ZBTB46: variants seen among roughly 807,000 people sequenced by gnomAD.
ZBTB46 encodes zinc finger and BTB domain containing 46.
In ZBTB46, 8 loss-of-function variants were observed where a neutral mutation model predicts 44.1. That is an observed-to-expected ratio of 0.18 (90% CI 0.11 to 0.33). The LOEUF is 0.33. Ranked by LOEUF, ZBTB46 falls within the 10% of genes least tolerant of loss-of-function variation. ZBTB46 has a pLI of 1.00. For synonymous variants in ZBTB46, 409 were observed against 382.3 expected (o/e 1.07, Z -0.81); for missense variants, 651 against 847.7 (o/e 0.77, Z 2.88).
rs994621187 is a variant in ZBTB46, at chr20:63,803,093, C to G, written c.-33-12303G>C. On this transcript the variant is annotated intron_variant, in intron 1 of 4. Coordinates refer to ENST00000245663, the MANE Select transcript of ZBTB46 (RefSeq NM_001369741.1). The surrounding 1 kb of genome is among the most constrained non-coding windows in gnomAD (Gnocchi z 4.0). ...GCTCTGCCCACTCTTGCGAAGAAAC[C>G]CACCAACCCGGCTCCCCCAGGGCAC... Among the ~76,000 whole-genome samples, 2 of 152,150 alleles carry G rather than the reference C, an allele frequency of 1.3e-5. No individual in the cohort carries two copies. The highest frequency in any genetic ancestry group is 6.5e-5 in the Admixed American group (1 of 15,284).
At chr20:63,791,286 G>A (rs753885815) in intron 1 of ZBTB46, among the ~76,000 whole-genome samples, 5 of 152,102 alleles carry the variant, frequency 3.3e-5, no homozygotes, top group Non-Finnish European at 5.9e-5. Flanking sequence ...ACAAGGTCAG[G>A]AGATCGAGAC....
At chr20:63,808,188 C>G (rs6011132) in intron 1 of ZBTB46, 35,397 of 152,416 alleles carry the variant, frequency 0.23, 4,449 homozygotes, top group East Asian at 0.45. Context: ...TGGATTTCAC[C>G]ACCGGCCGCC....
rs1302759381 is a variant in ZBTB46, at chr20:63,767,877, C to T, written c.1222+7801G>A. The T allele has an allele frequency of 4.1e-6, 4 of 985,326 alleles. No homozygotes were observed. In the African/African-American group the frequency reaches 7.0e-5, roughly 17 times the overall value. 61.0% of individuals were successfully genotyped at this position (985,326 alleles called of 1,614,324 possible). On this transcript the variant is annotated intron_variant, in intron 3 of 4. Transcript: ENST00000245663. This position sits in a 1 kb window ranked among gnomAD's most constrained non-coding sequence, Gnocchi z 5.0. ...GGCTGGAAGAAGACTCCTCAGGCAT[C>T]CTGGACAGGCCACAGGCCCTGCAGA... is the stretch of plus-strand genomic sequence containing the variant.
At chr20:63,796,421 C>G (rs2092604795) in intron 1 of ZBTB46, among the ~76,000 whole-genome samples, 1 of 152,246 alleles carries the variant, frequency 6.6e-6, no homozygotes, top group Admixed American at 6.5e-5. Flanking sequence ...AAGAACGACC[C>G]TCTCAAACAT....
At chr20:63,748,859 A>G (rs1171891009) in intron 4 of ZBTB46, among the ~76,000 whole-genome samples, 3 of 152,218 alleles carry the variant, frequency 2.0e-5, no homozygotes, top group South Asian at 2.1e-4. Context: ...GAGCAAGTAC[A>G]TACATAATCA....
intron 2 of ZBTB46, among the ~76,000 whole-genome samples, chr20:63,781,140 C>CAAAAAAAAAAA (rs58102231): frequency 1.5e-3 from 125 of 83,870 alleles, no homozygotes; most frequent in Middle Eastern, 8.6e-3. Flanking sequence ...GACTCTGCCT[C>CAAAAAAAAAAA]AAAAAAAAAA....
At position 63,746,968 on chromosome 20, in the gene ZBTB46, G is replaced by C. The variant is rs1266828449; in HGVS notation, c.1732C>G (p.Pro578Ala). The change falls in exon 5 of 5, where the codon CCA becomes GCA. Residue 578 changes from proline to alanine, a missense_variant. Coordinates refer to ENST00000245663, the MANE Select transcript of ZBTB46 (RefSeq NM_001369741.1). ...EEDSPRPRSP[P>A]GGPDKDFAWL... is the part of the protein sequence containing the mutation. The stretch of plus-strand genomic sequence containing the variant: ...GCGAAGTCCTTGTCAGGGCCTCCTG[G>C]GGGGCTGCGCGGCCGCGGCGAGTCT... The C allele has an allele frequency of 2.5e-6, 4 of 1,597,564 alleles. No individual in the cohort carries two copies. The highest frequency in any genetic ancestry group is 3.4e-6 in the Non-Finnish European group (4 of 1,175,440).
chr20:63,814,340 C>T (rs2092735789), intron 1 of ZBTB46, among the ~76,000 whole-genome samples: 1 of 152,084 alleles, frequency 6.6e-6, no homozygotes, highest in Admixed American at 6.5e-5. Flanking sequence ...GTTCCCGCAG[C>T]CAGGCGACGT....
chr20:63,778,436 C>T lies in ZBTB46; in HGVS notation c.938-2474G>A, dbSNP rs926826758. Among the ~76,000 whole-genome samples the T allele has an allele frequency of 9.8e-5, 15 of 152,302 alleles. No individual in the cohort carries two copies. In the South Asian group the frequency reaches 1.0e-3, roughly 11 times the overall value. ...TTCCACCGTGGTCGTTGACAGGAATCGGGATCAGAACCACAGAAACACAGG... is the reference window on the plus strand; with the variant it reads ...TTCCACCGTGGTCGTTGACAGGAATTGGGATCAGAACCACAGAAACACAGG... On this transcript the variant is annotated intron_variant, in intron 2 of 4. Transcript: ENST00000245663.
At chr20:63,766,332 C>G (rs1353010905) in intron 3 of ZBTB46, among the ~76,000 whole-genome samples, 1 of 151,346 alleles carries the variant, frequency 6.6e-6, no homozygotes, top group South Asian at 2.1e-4. Context: ...TCTCCTGCCT[C>G]AGCCTCTCAA....
rs759625611 is a variant in ZBTB46 at position 63,752,660 on chromosome 20, G to A, written c.1398+26C>T. 6.6e-6 allele frequency: 10 copies of A among 1,506,844 alleles called. No individual in the cohort carries two copies. Among genetic ancestry groups the A allele is most frequent in the Non-Finnish European group, 8.0e-6 (9 of 1,127,174 alleles). 93.3% of individuals were successfully genotyped at this position (1,506,844 alleles called of 1,614,324 possible). A position where few individuals can be genotyped will look rare whatever the true frequency, so the allele number is the denominator to read the frequency against. On this transcript the variant is annotated intron_variant, in intron 4 of 4. Transcript: ENST00000245663. This position sits in a 1 kb window ranked among gnomAD's most constrained non-coding sequence, Gnocchi z 5.6. ...GACATCGTGGCCACGCGCAGCGCGCGGCACGCGGACCCTCCCCGCACTCAC... is the reference window on the plus strand; with the variant it reads ...GACATCGTGGCCACGCGCAGCGCGCAGCACGCGGACCCTCCCCGCACTCAC...
chr20:63,775,864 C>T lies in ZBTB46; in HGVS notation c.1036G>A (p.Ala346Thr), dbSNP rs563024650. 43 of 1,613,214 alleles carry T rather than the reference C, an allele frequency of 2.7e-5. No homozygotes were observed. In the South Asian group the frequency reaches 3.0e-4, roughly 11 times the overall value. Residue 346 changes from alanine (A) to threonine (T), a missense_variant, in exon 3 of 5, where the codon GCC (alanine) becomes ACC (threonine). By Grantham distance (58) the Ala-to-Thr change is moderately conservative. Transcript: ENST00000245663. ...GTGAGGGGAGGGCCCAGATAGCTGG[C>T]TTCTCCTCCCAGGAGACCCTCCTCC... ...QVEEGLLGGE[A>T]SYLGPPLTPE...
In ZBTB46 at chr20:63,790,650, G is replaced by T; in HGVS notation, c.108C>A (p.Val36=). 2 of 1,611,628 alleles carry T rather than the reference G, an allele frequency of 1.2e-6. No individual in the cohort carries two copies. Among genetic ancestry groups the T allele is most frequent in the Non-Finnish European group, 1.7e-6 (2 of 1,180,034 alleles). The change falls in exon 2 of 5, where the codon GTC becomes GTA. Residue 36 remains valine, a synonymous_variant. Coordinates refer to ENST00000245663, the MANE Select transcript of ZBTB46 (RefSeq NM_001369741.1). The stretch of plus-strand genomic sequence containing the variant: ...GCGCCTTGAAGACCTTGCCCTCCAC[G>T]ACCACGCAGACGTCGCACAGGACGC... ...QHGVLCDVCV[V]VEGKVFKAHK...
intron 1 of ZBTB46, among the ~76,000 whole-genome samples, chr20:63,819,087 C>T (rs1188120733): frequency 1.3e-5 from 2 of 149,684 alleles, no homozygotes; most frequent in Non-Finnish European, 3.0e-5. Context: ...GCAGGAGAAT[C>T]GCTTGAACCC....
At chr20:63,766,205 CTTTTTTTTT>C (rs10525501) in intron 3 of ZBTB46, among the ~76,000 whole-genome samples, 3 of 81,702 alleles carry the variant, frequency 3.7e-5, no homozygotes, top group African/African-American at 5.1e-5. Context: ...CTGAGAGATC[CTTTTTTTTT>C]TTTTTTTTTT....
At chr20:63,751,597 A>G (rs2092162828) in intron 4 of ZBTB46, among the ~76,000 whole-genome samples, 1 of 151,064 alleles carries the variant, frequency 6.6e-6, no homozygotes, top group African/African-American at 2.4e-5. Context: ...ACAGAACCTG[A>G]CCTCTGGCGC....
intron 4 of ZBTB46, among the ~76,000 whole-genome samples, chr20:63,751,921 G>A (rs1055292787): frequency 1.1e-4 from 17 of 152,116 alleles, no homozygotes; most frequent in Non-Finnish European, 2.5e-4. Flanking sequence ...TGACTCTCCT[G>A]CGATTCCTAA....
At chr20:63,751,908 T>C (rs2092171117) in intron 4 of ZBTB46, among the ~76,000 whole-genome samples, 1 of 152,110 alleles carries the variant, frequency 6.6e-6, no homozygotes, top group African/African-American at 2.4e-5. Context: ...CTCCGGAACC[T>C]GCTGACTCTC....
intron 2 of ZBTB46, among the ~76,000 whole-genome samples, chr20:63,786,520 G>C (rs2092515623): frequency 6.6e-6 from 1 of 152,008 alleles, no homozygotes; most frequent in African/African-American, 2.4e-5. Context: ...GATTTGTTTT[G>C]TTTTGTTTTG....
Sources: allele counts gnomAD v4.1 joint callset (sites outside exome capture counted in the v4.1 genomes callset), GRCh38; gene constraint gnomAD v4.1.1; non-coding constraint Gnocchi (gnomAD v3.1); transcripts MANE v1.5; gene names NCBI Gene and HGNC (gene_info 2026-07-23, HGNC 2026-07-21).